TMEM65: variants seen among roughly 807,000 people sequenced by gnomAD.
TMEM65 encodes the protein transmembrane protein 65.
In TMEM65, 22 loss-of-function variants were observed where a neutral mutation model predicts 25.4. That is an observed-to-expected ratio of 0.86 (90% confidence interval 0.62 to 1.23). The LOEUF is 1.23. Ranked by LOEUF, TMEM65 falls within the 50% of genes most tolerant of loss-of-function variation. TMEM65 has a pLI of 0.00. For synonymous variants in TMEM65, 132 were observed against 126.2 expected, an observed-to-expected ratio of 1.05 and a Z score of -0.31; for missense variants, 262 against 308.2, an observed-to-expected ratio of 0.85 and a Z score of 1.12.
chr8:124,340,544 C>A (rs1477359027), intron 1 of TMEM65, among the ~76,000 whole-genome samples: 1 of 152,108 alleles, frequency 6.6e-6, no homozygotes, highest in Non-Finnish European at 1.5e-5. Context: ...AAAATTAACA[C>A]AGATACATGA....
intron 1 of TMEM65, among the ~76,000 whole-genome samples, chr8:124,348,380 T>G (rs1814665697): frequency 3.9e-5 from 6 of 152,076 alleles, no homozygotes; most frequent in Admixed American, 3.9e-4. Context: ...ACACAGAAAA[T>G]TATATTCCTT....
chr8:124,358,480 A>C (rs1482190327), intron 1 of TMEM65, among the ~76,000 whole-genome samples: 2 of 152,226 alleles, frequency 1.3e-5, no homozygotes, highest in Non-Finnish European at 2.9e-5. Flanking sequence ...AGTCTCAGCC[A>C]ATCACAGCAG....
chr8:124,355,518 G>A (rs1814766801), intron 1 of TMEM65, among the ~76,000 whole-genome samples: 2 of 152,180 alleles, frequency 1.3e-5, no homozygotes, highest in African/African-American at 4.8e-5. Context: ...TAGAAATGCA[G>A]AATCTCAGGC....
At chr8:124,314,976 T>C (rs879826360) in intron 6 of TMEM65, among the ~76,000 whole-genome samples, 3 of 152,146 alleles carry the variant, frequency 2.0e-5, no homozygotes, top group Non-Finnish European at 4.4e-5. Flanking sequence ...ACCCAGATCA[T>C]TATAAAAATT....
chr8:124,334,495 G>A (rs1002984508), intron 1 of TMEM65, among the ~76,000 whole-genome samples: 1 of 152,072 alleles, frequency 6.6e-6, no homozygotes, highest in African/African-American at 2.4e-5. Flanking sequence ...GCTGGGCACG[G>A]TGGCTCACAC....
At chr8:124,365,817 G>A (rs1814931123) in intron 1 of TMEM65, among the ~76,000 whole-genome samples, 1 of 152,204 alleles carries the variant, frequency 6.6e-6, no homozygotes, top group African/African-American at 2.4e-5. Context: ...GAGCCTTGCT[G>A]ACACTTTGAT....
At chr8:124,356,987 T>A (rs1814790350) in intron 1 of TMEM65, among the ~76,000 whole-genome samples, 1 of 152,028 alleles carries the variant, frequency 6.6e-6, no homozygotes. Context: ...GGATTACAGG[T>A]GTGAGCCACC....
intron 1 of TMEM65, among the ~76,000 whole-genome samples, chr8:124,336,589 G>C (rs1240176321): frequency 6.6e-6 from 1 of 151,574 alleles, no homozygotes; most frequent in Non-Finnish European, 1.5e-5. Context: ...GGACCAAAGA[G>C]GAAATCAAAA....
intron 2 of TMEM65, among the ~76,000 whole-genome samples, chr8:124,329,927 G>A (rs1440514023): frequency 6.6e-6 from 1 of 151,828 alleles, no homozygotes; most frequent in Non-Finnish European, 1.5e-5. Flanking sequence ...AATTGTTTTG[G>A]TATTTGAGGA....
intron 1 of TMEM65, chr8:124,351,164 A>C (rs905194822): frequency 2.2e-6 from 2 of 925,150 alleles, no homozygotes; most frequent in Admixed American, 1.2e-4. Flanking sequence ...AACAAAATAA[A>C]TAATATATAT....
Position 124,365,230 on chromosome 8 carries a change from A to G in TMEM65, c.304+6624T>C, listed in dbSNP as rs144737635. ...ATTACTGATAAATTAAACTATACAT[A>G]TAAGTGTTTGACTTACCTGGAAGCC... On this transcript the variant is annotated intron_variant, in intron 1 of 6. Transcript: ENST00000297632. Among the ~76,000 whole-genome samples the G allele has an allele frequency of 4.0e-3, 616 of 152,326 alleles. 3 individuals carry two copies. The highest frequency in any genetic ancestry group is 5.6e-3 in the Non-Finnish European group (383 of 68,030).
At chr8:124,367,844 C>T (rs1814958959) in intron 1 of TMEM65, among the ~76,000 whole-genome samples, 1 of 150,874 alleles carries the variant, frequency 6.6e-6, no homozygotes, top group Non-Finnish European at 1.5e-5. Flanking sequence ...TTACCACTCA[C>T]ATAGAGTAAT....
chr8:124,368,387 A>T (rs1814968471), intron 1 of TMEM65, among the ~76,000 whole-genome samples: 1 of 139,214 alleles, frequency 7.2e-6, no homozygotes, highest in Non-Finnish European at 1.6e-5. Context: ...ACCTTAAATA[A>T]GTGTGGAAGC....
chr8:124,366,517 C>G (rs1286008021), intron 1 of TMEM65, among the ~76,000 whole-genome samples: 2 of 152,280 alleles, frequency 1.3e-5, no homozygotes, highest in East Asian at 3.9e-4. Flanking sequence ...CAGCTGAGCC[C>G]TGCCTATATC....
At chr8:124,327,780 C>T (rs1814384365) in intron 2 of TMEM65, among the ~76,000 whole-genome samples, 1 of 129,466 alleles carries the variant, frequency 7.7e-6, no homozygotes, top group Non-Finnish European at 1.8e-5. Flanking sequence ...TTGCTACTGA[C>T]ATTAATCTCT....
chr8:124,320,206 G>A lies in TMEM65; in HGVS notation c.516-15C>T, dbSNP rs753078824. ...AGCCTGCAAGTCTTTGAAGAAACAA[G>A]ACAATATGATATATAGGTTATGTTT... On this transcript the variant is annotated splice_polypyrimidine_tract_variant and intron_variant, in intron 5 of 6. Coordinates refer to ENST00000297632, the MANE Select transcript of TMEM65 (RefSeq NM_194291.3). 1.3e-6 allele frequency: 2 copies of A among 1,591,514 alleles called. No individual in the cohort carries two copies. Among genetic ancestry groups the A allele is most frequent in the Admixed American group, 1.7e-5 (1 of 59,406 alleles).
At chr8:124,332,076 T>C (rs536121244) in intron 1 of TMEM65, among the ~76,000 whole-genome samples, 21 of 152,144 alleles carry the variant, frequency 1.4e-4, no homozygotes, top group Non-Finnish European at 2.1e-4. Flanking sequence ...AATGAAGATA[T>C]ATATACTAAT....
chr8:124,367,293 G>T (rs1814951361), intron 1 of TMEM65, among the ~76,000 whole-genome samples: 1 of 152,042 alleles, frequency 6.6e-6, no homozygotes, highest in Non-Finnish European at 1.5e-5. Context: ...GGCCAACATG[G>T]TGAAACCCCA....
intron 3 of TMEM65, 116 bp downstream of exon 3, chr8:124,327,238 T>A (rs1427728211): frequency 1.6e-5 from 11 of 689,846 alleles, no homozygotes; most frequent in Non-Finnish European, 2.2e-5. Flanking sequence ...TAGTAAAAAA[T>A]ATCCTTGTTC....
Sources: allele counts gnomAD v4.1 joint callset (sites outside exome capture counted in the v4.1 genomes callset), GRCh38; gene constraint gnomAD v4.1.1; transcripts MANE v1.5; gene names NCBI Gene and HGNC (gene_info 2026-07-23, HGNC 2026-07-21).